The following OTUD7A variants were observed in gnomAD, a reference collection of about 807,000 sequenced individuals.
OTUD7A encodes the protein OTU deubiquitinase 7A.
OTUD7A carries 12 observed loss-of-function variants against 65.7 expected under a neutral mutation model. That is an observed-to-expected ratio of 0.18 (90% CI 0.12 to 0.30). The LOEUF is 0.30. Ranked by LOEUF, OTUD7A falls within the 10% of genes least tolerant of loss-of-function variation. OTUD7A has a pLI of 1.00. For synonymous variants in OTUD7A, 641 were observed against 586.3 expected (o/e 1.09, Z -1.35); for missense variants, 1,148 against 1,304.8 (o/e 0.88, Z 1.85).
intron 3 of OTUD7A, among the ~76,000 whole-genome samples, chr15:31,571,779 A>G (rs1331052561): frequency 1.3e-5 from 2 of 152,190 alleles, no homozygotes; most frequent in African/African-American, 4.8e-5. Context: ...ATTCAAATAC[A>G]CGGACTTATC....
In OTUD7A at chr15:31,644,605, A is replaced by T. The variant is rs143040536; in HGVS notation, c.151+10491T>A. ...ATCTCCTCAACTCAGCCTCCTGAGT[A>T]GCCAGGACCACAGGTATATGCCACC... On this transcript the variant is annotated intron_variant, in intron 3 of 12. Coordinates refer to ENST00000307050, the MANE Select transcript of OTUD7A (RefSeq NM_001382637.1). 3.1e-3 allele frequency among the ~76,000 whole-genome samples: 475 copies of T among 152,280 alleles called. 2 individuals are homozygous for T. Among genetic ancestry groups the T allele is most frequent in the Non-Finnish European group, 5.2e-3 (353 of 68,016 alleles).
chr15:31,756,037 G>A (rs1317176905), intron 1 of OTUD7A, among the ~76,000 whole-genome samples: 1 of 152,178 alleles, frequency 6.6e-6, no homozygotes, highest in East Asian at 1.9e-4. Flanking sequence ...CACCTCCAGT[G>A]GGGACTCCGC....
intron 1 of OTUD7A, among the ~76,000 whole-genome samples, chr15:31,842,367 A>G (rs1897204162): frequency 6.6e-6 from 1 of 152,230 alleles, no homozygotes; most frequent in African/African-American, 2.4e-5. Context: ...TTCTACTGCC[A>G]TAAAAAGTGG....
At chr15:31,585,908 AAAG>A (rs769680999) in intron 3 of OTUD7A, among the ~76,000 whole-genome samples, 6 of 152,222 alleles carry the variant, frequency 3.9e-5, no homozygotes, top group Non-Finnish European at 8.8e-5. Flanking sequence ...GCCAAGCAAC[AAAG>A]AAGACTTTTT....
rs1179137444 is a variant in OTUD7A, at chr15:31,511,421, CAT to C, written c.894-7605_894-7604del. Among the ~76,000 whole-genome samples, 2 of 3,476 alleles carry C rather than the reference CAT, an allele frequency of 5.8e-4. 1 individual carries two copies. The highest frequency in any genetic ancestry group is 7.6e-4 in the Non-Finnish European group (2 of 2,618). 2.3% of individuals were successfully genotyped at this position (3,476 alleles called of 152,430 possible). A position where few individuals can be genotyped will look rare whatever the true frequency, so the allele number is the denominator to read the frequency against. On this transcript the variant is annotated intron_variant, in intron 8 of 12. Coordinates refer to ENST00000307050, the MANE Select transcript of OTUD7A (RefSeq NM_001382637.1). ...TATGTATATCTATATGTAACACACACATATATGTATATCTATATGTAACACAC... is the reference window on the plus strand; with the variant it reads ...TATGTATATCTATATGTAACACACACATATGTATATCTATATGTAACACAC...
Position 31,483,401 on chromosome 15 carries a change from G to T in OTUD7A, c.2695C>A (p.Arg899Ser). 7.4e-7 allele frequency: 1 copy of T among 1,348,634 alleles called. No individual in the cohort carries two copies. The highest frequency in any genetic ancestry group is 9.5e-7 in the Non-Finnish European group (1 of 1,048,840). The allele number at this position is 1,348,634 out of a possible 1,614,324, so 83.5% of individuals were successfully genotyped here. The part of the protein sequence containing the change: ...GPGPVQRRCQ[R>S]ENCAFYGRAE... ...CGCCCGTAGAACGCACAGTTCTCGC[G>T]CTGGCAGCGCCGCTGCACCGGCCCC... Residue 899 changes from arginine to serine, a missense_variant, in exon 13 of 13, where the codon CGC becomes AGC. Physicochemically the swap from Arg to Ser is moderately radical, Grantham distance 110 (BLOSUM62 -1). Coordinates refer to ENST00000307050, the MANE Select transcript of OTUD7A (RefSeq NM_001382637.1).
intron 1 of OTUD7A, chr15:31,767,630 A>T (rs1449477096): frequency 1.3e-6 from 1 of 777,848 alleles, no homozygotes; most frequent in African/African-American, 1.7e-5. Flanking sequence ...GTAGATCAGA[A>T]TAAAATATCT....
intron 1 of OTUD7A, among the ~76,000 whole-genome samples, chr15:31,724,672 G>A (rs935694919): frequency 5.9e-5 from 9 of 152,122 alleles, no homozygotes; most frequent in Admixed American, 4.6e-4. Context: ...ACCTGAGATC[G>A]CATCTTTCAC....
intron 1 of OTUD7A, among the ~76,000 whole-genome samples, chr15:31,769,489 GT>G (rs1176035523): frequency 1.3e-5 from 2 of 152,164 alleles, no homozygotes; most frequent in African/African-American, 2.4e-5. Context: ...TGAAAACTTA[GT>G]TTTCCCAAAT....
At chr15:31,688,413 C>T (rs979631968) in intron 1 of OTUD7A, among the ~76,000 whole-genome samples, 2 of 151,930 alleles carry the variant, frequency 1.3e-5, no homozygotes, top group African/African-American at 4.8e-5. Flanking sequence ...AAACAAGTGG[C>T]TCAGACTCTT....
chr15:31,838,898 G>C (rs886713093), intron 1 of OTUD7A, among the ~76,000 whole-genome samples: 2 of 152,210 alleles, frequency 1.3e-5, no homozygotes, highest in African/African-American at 4.8e-5. Context: ...CAGTCAGAGA[G>C]ACCTTTGCCA....
intron 4 of OTUD7A, among the ~76,000 whole-genome samples, chr15:31,569,398 C>G (rs559090674): frequency 6.6e-6 from 1 of 152,308 alleles, no homozygotes; most frequent in African/African-American, 2.4e-5. Context: ...TCATCTCCTG[C>G]TCAGTGAAAC....
chr15:31,786,640 T>TA (rs1337277965), intron 1 of OTUD7A, among the ~76,000 whole-genome samples: 1 of 152,176 alleles, frequency 6.6e-6, no homozygotes, highest in African/African-American at 2.4e-5. Flanking sequence ...ACTTCATTGT[T>TA]ACGTGAGATG....
chr15:31,612,397 C>T (rs1890454635), intron 3 of OTUD7A, among the ~76,000 whole-genome samples: 1 of 152,076 alleles, frequency 6.6e-6, no homozygotes, highest in Non-Finnish European at 1.5e-5. Flanking sequence ...CCTTGAAAAC[C>T]CTGAAGACTC....
At position 31,776,969 on chromosome 15, in the gene OTUD7A, T is replaced by C. The variant is rs371824640; in HGVS notation, c.-100+93538A>G. Among the ~76,000 whole-genome samples the C allele has an allele frequency of 1.3e-3, 196 of 151,516 alleles. 1 individual carries two copies. The South Asian group carries it at 0.022, about 17-fold the overall frequency. The stretch of plus-strand genomic sequence containing the variant: ...ATAATAATAAAAAAATGCTAAAAAG[T>C]AATCTAACTCTAAAAAAAAAAAATG... On this transcript the variant is annotated intron_variant, in intron 1 of 12. Transcript: ENST00000307050.
chr15:31,816,638 G>A (rs903004580), intron 1 of OTUD7A, among the ~76,000 whole-genome samples: 2 of 151,838 alleles, frequency 1.3e-5, no homozygotes, highest in African/African-American at 2.4e-5. Context: ...AGCTTGCAGT[G>A]AGCTGAGATC....
At chr15:31,537,639 G>T (rs1887849216) in intron 5 of OTUD7A, among the ~76,000 whole-genome samples, 1 of 152,182 alleles carries the variant, frequency 6.6e-6, no homozygotes, top group Non-Finnish European at 1.5e-5. Flanking sequence ...TAACAACCAG[G>T]CTGGGATACA....
At chr15:31,831,605 AC>A (rs1453242547) in intron 1 of OTUD7A, among the ~76,000 whole-genome samples, 3 of 152,172 alleles carry the variant, frequency 2.0e-5, no homozygotes, top group Non-Finnish European at 4.4e-5. Flanking sequence ...AGTTTTGTAA[AC>A]TTCTCTGTGA....
chr15:31,703,041 A>AAAG (rs1893249693), intron 1 of OTUD7A, among the ~76,000 whole-genome samples: 1 of 151,734 alleles, frequency 6.6e-6, no homozygotes, highest in African/African-American at 2.4e-5. Context: ...AAACAAGAAA[A>AAAG]AAAGAAAGAA....
Sources: gnomAD v4.1 joint callset for allele counts (sites outside exome capture counted in the v4.1 genomes callset) on GRCh38, gnomAD v4.1.1 for gene constraint, MANE v1.5 for transcripts, NCBI Gene and HGNC (gene_info 2026-07-23, HGNC 2026-07-21) for gene names.